The following HS6ST3 variants were observed in gnomAD, a reference collection of about 807,000 sequenced individuals.
The protein encoded by HS6ST3 is heparan-sulfate 6-O-sulfotransferase 3.
A neutral mutation model predicts 36.7 loss-of-function variants in HS6ST3; 12 were observed. The observed-to-expected ratio is 0.33, with a 90% CI of 0.21 to 0.53. The LOEUF (loss-of-function observed/expected upper bound fraction) is 0.53. HS6ST3 is among the 20% of genes least tolerant of loss of function. HS6ST3 has a pLI of 0.95. For missense variants in HS6ST3, 584 were observed against 640.9 expected, an observed-to-expected ratio of 0.91 and a Z score of 0.96; for synonymous variants, 240 against 257.5, an observed-to-expected ratio of 0.93 and a Z score of 0.65.
chr13:96,245,341 G>T (rs1000219597), intron 1 of HS6ST3, among the ~76,000 whole-genome samples: 2 of 152,146 alleles, frequency 1.3e-5, no homozygotes, highest in African/African-American at 4.8e-5. Flanking sequence ...AGTACAAGGG[G>T]TATAGCATTA....
At chr13:96,246,751 A>G (rs1175438445) in intron 1 of HS6ST3, among the ~76,000 whole-genome samples, 1 of 152,132 alleles carries the variant, frequency 6.6e-6, no homozygotes, top group East Asian at 1.9e-4. Flanking sequence ...TTGTCTTCAG[A>G]TCCCTAGAGA....
intron 1 of HS6ST3, among the ~76,000 whole-genome samples, chr13:96,738,809 G>A (rs963011065): frequency 9.9e-5 from 15 of 152,082 alleles, no homozygotes; most frequent in Admixed American, 4.6e-4. Flanking sequence ...CTCTCATGCA[G>A]AAAAATCTCT....
intron 1 of HS6ST3, among the ~76,000 whole-genome samples, chr13:96,301,876 G>A (rs2054884227): frequency 6.7e-6 from 1 of 148,204 alleles, no homozygotes; most frequent in Middle Eastern, 3.2e-3. Flanking sequence ...ATTCCAGCCT[G>A]GAGACACAAT....
At chr13:96,470,470 C>T (rs140810544) in intron 1 of HS6ST3, among the ~76,000 whole-genome samples, 2 of 152,248 alleles carry the variant, frequency 1.3e-5, no homozygotes, top group African/African-American at 4.8e-5. Flanking sequence ...TGCTCATCAT[C>T]TCCCACAAAA....
chr13:96,187,664 C>G (rs1187488987), intron 1 of HS6ST3, among the ~76,000 whole-genome samples: 1 of 152,148 alleles, frequency 6.6e-6, no homozygotes, highest in African/African-American at 2.4e-5. Context: ...TTTCAAGACT[C>G]TAAATGTATT....
At chr13:96,497,679 G>A (rs1315071558) in intron 1 of HS6ST3, among the ~76,000 whole-genome samples, 5 of 152,066 alleles carry the variant, frequency 3.3e-5, no homozygotes, top group Admixed American at 3.3e-4. Context: ...CCCTCTGATG[G>A]TTTCCCATTG....
intron 1 of HS6ST3, among the ~76,000 whole-genome samples, chr13:96,120,738 GT>G (rs1361336760): frequency 6.6e-6 from 1 of 152,084 alleles, no homozygotes; most frequent in Non-Finnish European, 1.5e-5. Flanking sequence ...ATAAACTTTT[GT>G]TTTTCAGTGT....
chr13:96,616,543 A>G (rs2056474981), intron 1 of HS6ST3, among the ~76,000 whole-genome samples: 1 of 152,182 alleles, frequency 6.6e-6, no homozygotes. Flanking sequence ...AGGAGTAGAA[A>G]ACATTCTAAC....
chr13:96,671,892 C>G (rs915976785), intron 1 of HS6ST3, among the ~76,000 whole-genome samples: 2 of 152,086 alleles, frequency 1.3e-5, no homozygotes, highest in Non-Finnish European at 1.5e-5. Context: ...ATGATTTATT[C>G]AATCTTAAAA....
At chr13:96,688,385 G>A (rs1265813740) in intron 1 of HS6ST3, among the ~76,000 whole-genome samples, 1 of 151,844 alleles carries the variant, frequency 6.6e-6, no homozygotes, top group African/African-American at 2.4e-5. Flanking sequence ...TTTGATAGTG[G>A]GATTTATGTG....
intron 1 of HS6ST3, among the ~76,000 whole-genome samples, chr13:96,409,435 A>G (rs183436592): frequency 6.6e-6 from 1 of 152,216 alleles, no homozygotes; most frequent in African/African-American, 2.4e-5. Flanking sequence ...ACAATGCCTT[A>G]CACATGGTAG....
At chr13:96,252,455 C>G (rs2139378015) in intron 1 of HS6ST3, among the ~76,000 whole-genome samples, 1 of 152,272 alleles carries the variant, frequency 6.6e-6, no homozygotes, top group South Asian at 2.1e-4. Flanking sequence ...TCCAATGGAG[C>G]AAGTCTTAGG....
chr13:96,576,943 C>CA (rs1157924077), intron 1 of HS6ST3, among the ~76,000 whole-genome samples: 2,364 of 26,756 alleles, frequency 0.088, 476 homozygotes, highest in Non-Finnish European at 0.096. Flanking sequence ...GACTCTGTCT[C>CA]AAAAAAAAAA....
intron 1 of HS6ST3, among the ~76,000 whole-genome samples, chr13:96,253,802 A>G (rs1250936221): frequency 6.6e-6 from 1 of 152,174 alleles, no homozygotes; most frequent in African/African-American, 2.4e-5. Context: ...TGCTGTTGGT[A>G]TATGTGTCCA....
chr13:96,228,135 A>G (rs957440675), intron 1 of HS6ST3, among the ~76,000 whole-genome samples: 2 of 152,228 alleles, frequency 1.3e-5, no homozygotes, highest in Non-Finnish European at 2.9e-5. Flanking sequence ...CAGCTACTAA[A>G]TACTGTTGTT....
intron 1 of HS6ST3, among the ~76,000 whole-genome samples, chr13:96,289,318 T>C (rs2054818521): frequency 6.6e-6 from 1 of 152,132 alleles, no homozygotes; most frequent in Admixed American, 6.6e-5. Flanking sequence ...AAAGCCATTT[T>C]CTTGCTGGAT....
At position 96,645,848 on chromosome 13, in the gene HS6ST3, G is replaced by A. The variant is rs190544297; in HGVS notation, c.708-186642G>A. Among the ~76,000 whole-genome samples, 4 of 151,894 alleles carry A rather than the reference G, an allele frequency of 2.6e-5. No homozygotes were observed. The East Asian group carries it at 7.8e-4, about 30-fold the overall frequency. ...TGCTAAGGGAAGTTCTGGGTTTGTT[G>A]TACTGAAAATAGTTTATAAACAATT... is the stretch of plus-strand genomic sequence containing the variant. On this transcript the variant is annotated intron_variant, in intron 1 of 1. Transcript: ENST00000376705.
At chr13:96,620,509 A>T (rs192241099) in intron 1 of HS6ST3, among the ~76,000 whole-genome samples, 1 of 152,208 alleles carries the variant, frequency 6.6e-6, no homozygotes, top group Non-Finnish European at 1.5e-5. Flanking sequence ...TCTGACTTTC[A>T]TTTCATAGTT....
intron 1 of HS6ST3, among the ~76,000 whole-genome samples, chr13:96,691,920 C>T (rs1321836357): frequency 1.3e-5 from 2 of 152,020 alleles, no homozygotes; most frequent in East Asian, 1.9e-4. Context: ...AAACAATGCA[C>T]GTTCAAGGAC....
Sources: gnomAD v4.1 joint callset for allele counts (sites outside exome capture counted in the v4.1 genomes callset) on GRCh38, gnomAD v4.1.1 for gene constraint, MANE v1.5 for transcripts, NCBI Gene and HGNC (gene_info 2026-07-23, HGNC 2026-07-21) for gene names.